MARCHF7: variants seen among roughly 807,000 people sequenced by gnomAD.
The protein encoded by MARCHF7 is E3 ubiquitin-protein ligase MARCHF7.
Under a neutral mutation model 76.5 loss-of-function variants are expected in MARCHF7, and 20 were observed. The observed-to-expected ratio is 0.26, with a 90% confidence interval of 0.18 to 0.38. MARCHF7 has a LOEUF of 0.38. Ranked by LOEUF, MARCHF7 falls within the 10% of genes least tolerant of loss-of-function variation. MARCHF7 has a pLI of 1.00. For synonymous variants in MARCHF7, 295 were observed against 293.0 expected (o/e 1.01, Z -0.07); for missense variants, 797 against 812.9 (o/e 0.98, Z 0.24).
At chr2:159,733,391 C>A (rs1703052508) in intron 4 of MARCHF7, 1 of 483,726 alleles carries the variant, frequency 2.1e-6, no homozygotes, top group Non-Finnish European at 2.7e-6. Flanking sequence ...GGTGTGCACA[C>A]CACACTGCAC....
At chr2:159,745,368 C>T (rs2125576330) in intron 5 of MARCHF7, among the ~76,000 whole-genome samples, 1 of 152,158 alleles carries the variant, frequency 6.6e-6, no homozygotes, top group South Asian at 2.1e-4. Context: ...TGATAAACAA[C>T]AGTAAGGCCG....
chr2:159,745,769 G>T lies in MARCHF7; in HGVS notation c.347-1G>T. On this transcript the variant is annotated splice_acceptor_variant, in intron 5 of 11. Transcript: ENST00000409175. LOFTEE classifies it high-confidence loss of function. ...AATAAAACTTCTTCATTTATTTTAA[G>T]ATTCATCTTGGAGGCATAGTCAAGT... The T allele has an allele frequency of 6.3e-7, 1 of 1,587,902 alleles. No individual in the cohort carries two copies. The highest frequency in any genetic ancestry group is 1.2e-5 in the South Asian group (1 of 85,650).
intron 3 of MARCHF7, among the ~76,000 whole-genome samples, chr2:159,718,959 T>TTC (rs1176344685): frequency 6.6e-6 from 1 of 152,104 alleles, no homozygotes. Context: ...ATTTCCAGCG[T>TTC]TCTCCTGGAC....
intron 8 of MARCHF7, among the ~76,000 whole-genome samples, chr2:159,756,830 AT>A (rs1339981283): frequency 1.3e-5 from 2 of 151,966 alleles, no homozygotes; most frequent in African/African-American, 4.8e-5. Context: ...CAAAAGAGTT[AT>A]TGTTCATAGT....
rs1441389027 is a variant in MARCHF7 at position 159,770,802 on chromosome 2, C to A, written c.*3460C>A. On this transcript the variant is annotated 3_prime_UTR_variant, in exon 12 of 12. Transcript: ENST00000409175. ...GTTTGTGTAAATACAAGCTGATTTT[C>A]ACACAAGATTCCCTAACTATGCATT... is the stretch of plus-strand genomic sequence containing the variant. 6.6e-6 allele frequency: 1 copy of A among 152,162 alleles called. No individual in the cohort carries two copies. Among genetic ancestry groups the A allele is most frequent in the African/African-American group, 2.4e-5 (1 of 41,438 alleles). 9.4% of individuals were successfully genotyped at this position (152,162 alleles called of 1,614,324 possible). A position where few individuals can be genotyped will look rare whatever the true frequency, so the allele number is the denominator to read the frequency against.
chr2:159,742,274 T>C (rs1374959041), intron 4 of MARCHF7, among the ~76,000 whole-genome samples: 2 of 152,050 alleles, frequency 1.3e-5, no homozygotes, highest in African/African-American at 4.8e-5. Flanking sequence ...TTTAGCATAC[T>C]GTTACTAGTG....
At chr2:159,746,811 T>C (rs1482072659) in intron 6 of MARCHF7, among the ~76,000 whole-genome samples, 1 of 152,248 alleles carries the variant, frequency 6.6e-6, no homozygotes, top group African/African-American at 2.4e-5. Context: ...TTGATTTACA[T>C]AGTAGGAAAT....
chr2:159,729,390 G>A (rs983198675), intron 4 of MARCHF7, among the ~76,000 whole-genome samples: 5 of 152,014 alleles, frequency 3.3e-5, no homozygotes, highest in African/African-American at 7.2e-5. Flanking sequence ...ATACTTTTGC[G>A]CTGGGAACGG....
chr2:159,765,547 C>T (rs888849441), intron 11 of MARCHF7, among the ~76,000 whole-genome samples: 3 of 152,076 alleles, frequency 2.0e-5, no homozygotes, highest in Non-Finnish European at 2.9e-5. Flanking sequence ...TTTTAAAATA[C>T]GTATTCTTCA....
rs1048419527 is a variant in MARCHF7, at chr2:159,768,961, T to C, written c.*1619T>C. The C allele has an allele frequency of 2.6e-5, 4 of 152,222 alleles. No individual in the cohort carries two copies. Among genetic ancestry groups the C allele is most frequent in the African/African-American group, 9.6e-5 (4 of 41,458 alleles). 9.4% of individuals were successfully genotyped at this position (152,222 alleles called of 1,614,324 possible). A position where few individuals can be genotyped will look rare whatever the true frequency, so the allele number is the denominator to read the frequency against. Reference sequence around the variant, plus strand: ...TTTGTTATTAAATGCTAAATGACAGTGATAACAATGGCTTAAGCTTTACAG... The same window carrying C: ...TTTGTTATTAAATGCTAAATGACAGCGATAACAATGGCTTAAGCTTTACAG... On this transcript the variant is annotated 3_prime_UTR_variant, in exon 12 of 12. Coordinates refer to ENST00000409175, the MANE Select transcript of MARCHF7 (RefSeq NM_001282805.2).
At chr2:159,755,836 G>C (rs1706226209) in intron 8 of MARCHF7, among the ~76,000 whole-genome samples, 1 of 152,142 alleles carries the variant, frequency 6.6e-6, no homozygotes, top group Non-Finnish European at 1.5e-5. Context: ...GGAGGAGTTG[G>C]GTTCAAGTTG....
Position 159,748,456 on chromosome 2 carries a change from C to T in MARCHF7, c.1166C>T (p.Ser389Leu), listed in dbSNP as rs776229701. The T allele has an allele frequency of 1.9e-6, 3 of 1,614,146 alleles. No individual in the cohort carries two copies. The highest frequency in any genetic ancestry group is 1.7e-5 in the Admixed American group (1 of 60,020). The change falls in exon 7 of 12, where the codon TCA becomes TTA. Residue 389 changes from serine (S) to leucine (L), a missense_variant. By Grantham distance (145) the Ser-to-Leu change is moderately radical. This residue lies in a region of MARCHF7 where 643 missense variants were observed against 631.5 expected (regional missense o/e 1.02). Transcript: ENST00000409175. ...GRNTGPWLSS[S>L]LRNRCTPLFS... ...AATACAGGACCATGGTTATCTTCCT[C>T]ACTTAGAAATAGATGCACACCTTTG...
intron 3 of MARCHF7, among the ~76,000 whole-genome samples, chr2:159,717,264 G>C (rs1454377127): frequency 6.6e-6 from 1 of 152,114 alleles, no homozygotes; most frequent in African/African-American, 2.4e-5. Flanking sequence ...CAGCAACGTT[G>C]CATTACAAAG....
At chr2:159,737,472 C>G (rs1250274517) in intron 4 of MARCHF7, among the ~76,000 whole-genome samples, 1 of 152,180 alleles carries the variant, frequency 6.6e-6, no homozygotes, top group Non-Finnish European at 1.5e-5. Flanking sequence ...TTAACACCCA[C>G]TAGCATAGCC....
rs779873050 is a variant in MARCHF7, at chr2:159,770,250, A to T, written c.*2908A>T. On this transcript the variant is annotated 3_prime_UTR_variant, in exon 12 of 12. Transcript: ENST00000409175. ...ATAGTCTATCAATAATAAAATAGAC[A>T]TCTCAATCACTATACAAAATCTCAG... The T allele has an allele frequency of 3.3e-5, 5 of 152,240 alleles. No homozygotes were observed. The highest frequency in any genetic ancestry group is 9.6e-5 in the African/African-American group (4 of 41,466). 9.4% of individuals were successfully genotyped at this position (152,240 alleles called of 1,614,324 possible). A position where few individuals can be genotyped will look rare whatever the true frequency, so the allele number is the denominator to read the frequency against.
intron 4 of MARCHF7, among the ~76,000 whole-genome samples, chr2:159,741,768 A>G (rs183429505): frequency 4.1e-4 from 62 of 152,320 alleles, no homozygotes; most frequent in African/African-American, 1.5e-3. Flanking sequence ...TTTACCACAT[A>G]CTTAACTCAT....
intron 3 of MARCHF7, among the ~76,000 whole-genome samples, chr2:159,722,159 G>A (rs1243987809): frequency 6.6e-6 from 1 of 151,698 alleles, no homozygotes; most frequent in African/African-American, 2.4e-5. Context: ...TTGTTTTTGA[G>A]ACAGTCTTTC....
rs1021345829 is a variant in MARCHF7, at chr2:159,732,957, T to C, written c.153+3782T>C. 14 of 980,900 alleles carry C rather than the reference T, an allele frequency of 1.4e-5. No individual in the cohort carries two copies. In the African/African-American group the frequency reaches 2.4e-4, roughly 17 times the overall value. The allele number at this position is 980,900 out of a possible 1,614,324, so 60.8% of individuals were successfully genotyped here. ...TGTTCATCTTAATTGTTAAGATTAA[T>C]TGAAAGAAAGAATACATGTGAAGCA... is the stretch of plus-strand genomic sequence containing the variant. On this transcript the variant is annotated intron_variant, in intron 4 of 11. Transcript: ENST00000409175.
chr2:159,728,181 A>T (rs900511962), intron 3 of MARCHF7, among the ~76,000 whole-genome samples: 1 of 152,216 alleles, frequency 6.6e-6, no homozygotes, highest in African/African-American at 2.4e-5. Context: ...TATAAAGTGG[A>T]GATAATATAG....
Sources: gnomAD v4.1 joint callset for allele counts (sites outside exome capture counted in the v4.1 genomes callset) on GRCh38, gnomAD v4.1.1 for gene constraint, gnomAD v4.1.1 regional missense constraint, MANE v1.5 for transcripts, NCBI Gene and HGNC (gene_info 2026-07-23, HGNC 2026-07-21) for gene names.